PLXDC2: variants seen among roughly 807,000 people sequenced by gnomAD.
PLXDC2 encodes plexin domain-containing protein 2.
PLXDC2 carries 40 observed loss-of-function variants against 68.9 expected under a neutral mutation model. That is an observed-to-expected ratio of 0.58 (90% CI 0.45 to 0.76). The LOEUF is 0.76. Among genes scored for constraint, PLXDC2 ranks in the 30% least tolerant of loss-of-function variants. The pLI, the probability that PLXDC2 is intolerant of heterozygous loss-of-function variation, is 0.00. For synonymous variants in PLXDC2, 243 were observed against 234.2 expected (o/e 1.04, Z -0.34); for missense variants, 644 against 661.9 (o/e 0.97, Z 0.30).
intron 12 of PLXDC2, among the ~76,000 whole-genome samples, chr10:20,240,777 T>G (rs574294333): frequency 6.6e-6 from 1 of 151,402 alleles, no homozygotes; most frequent in African/African-American, 2.4e-5. Context: ...CAAAACTATG[T>G]GTGCAATTTT....
intron 9 of PLXDC2, among the ~76,000 whole-genome samples, chr10:20,190,598 A>AATATATATATATAT (rs67612054): frequency 2.0e-5 from 3 of 148,474 alleles, no homozygotes; most frequent in African/African-American, 7.4e-5. Flanking sequence ...AAGTGTAATA[A>AATATATATATATAT]ATATATATAT....
intron 4 of PLXDC2, among the ~76,000 whole-genome samples, chr10:20,100,564 G>A (rs1057191715): frequency 6.6e-6 from 1 of 152,066 alleles, no homozygotes; most frequent in African/African-American, 2.4e-5. Flanking sequence ...ACTATAATAC[G>A]GTTGCTCTGG....
At chr10:20,234,542 T>C (rs1209587466) in intron 12 of PLXDC2, among the ~76,000 whole-genome samples, 1 of 152,202 alleles carries the variant, frequency 6.6e-6, no homozygotes, top group African/African-American at 2.4e-5. Flanking sequence ...TGCTCAGTGT[T>C]TTCATTTTGT....
At chr10:20,254,724 CAGA>C (rs1486240452) in intron 13 of PLXDC2, among the ~76,000 whole-genome samples, 1 of 151,930 alleles carries the variant, frequency 6.6e-6, no homozygotes, top group African/African-American at 2.4e-5. Flanking sequence ...GACAGCTTTC[CAGA>C]AATATAGTGA....
At chr10:20,170,835 A>G (rs946054344) in intron 7 of PLXDC2, among the ~76,000 whole-genome samples, 4 of 151,858 alleles carry the variant, frequency 2.6e-5, no homozygotes, top group East Asian at 1.9e-4. Context: ...ACAATAGACC[A>G]TATCCATTAA....
intron 4 of PLXDC2, among the ~76,000 whole-genome samples, chr10:20,088,403 G>A (rs1172386392): frequency 6.6e-6 from 1 of 152,120 alleles, no homozygotes; most frequent in African/African-American, 2.4e-5. Flanking sequence ...AAGAATTACT[G>A]GAGTTCAGCA....
intron 1 of PLXDC2, among the ~76,000 whole-genome samples, chr10:19,895,130 A>G (rs1313698256): frequency 6.6e-6 from 1 of 152,206 alleles, no homozygotes; most frequent in Non-Finnish European, 1.5e-5. Flanking sequence ...CTTTGCAGGG[A>G]CATGGATGAA....
chr10:20,020,119 C>T (rs975014619), intron 2 of PLXDC2, among the ~76,000 whole-genome samples: 14 of 150,890 alleles, frequency 9.3e-5, no homozygotes, highest in African/African-American at 3.2e-4. Context: ...TCAGGTGATC[C>T]TCCTGCCTTA....
At chr10:19,881,973 T>A (rs947746986) in intron 1 of PLXDC2, among the ~76,000 whole-genome samples, 2 of 152,234 alleles carry the variant, frequency 1.3e-5, no homozygotes, top group Non-Finnish European at 2.9e-5. Flanking sequence ...CATGCAGTCA[T>A]CTTACGTTGT....
chr10:19,924,989 T>C (rs1331984221), intron 1 of PLXDC2, among the ~76,000 whole-genome samples: 2 of 152,178 alleles, frequency 1.3e-5, no homozygotes, highest in African/African-American at 4.8e-5. Context: ...CGCCATGCTT[T>C]TTGGGAGGTT....
intron 2 of PLXDC2, among the ~76,000 whole-genome samples, chr10:20,003,022 G>A (rs1167796717): frequency 6.6e-6 from 1 of 152,142 alleles, no homozygotes; most frequent in Non-Finnish European, 1.5e-5. Flanking sequence ...AGCGGAGGGA[G>A]GAGAATGGTC....
intron 13 of PLXDC2, among the ~76,000 whole-genome samples, chr10:20,256,062 A>G (rs1158957238): frequency 6.6e-6 from 1 of 152,114 alleles, no homozygotes; most frequent in African/African-American, 2.4e-5. Flanking sequence ...TAAAATTACT[A>G]TAGATGAGAT....
intron 1 of PLXDC2, among the ~76,000 whole-genome samples, chr10:19,907,262 A>G (rs1833180754): frequency 6.6e-6 from 1 of 152,186 alleles, no homozygotes; most frequent in South Asian, 2.1e-4. Flanking sequence ...TTCTCGTTCC[A>G]ATAAACACTT....
chr10:19,847,509 G>A (rs1281188791), intron 1 of PLXDC2, among the ~76,000 whole-genome samples: 1 of 152,172 alleles, frequency 6.6e-6, no homozygotes, highest in Non-Finnish European at 1.5e-5. Flanking sequence ...ACCTAGGAAT[G>A]TATAAGAAGA....
chr10:20,177,112 C>A lies in PLXDC2; in HGVS notation c.979+18C>A. On this transcript the variant is annotated intron_variant, in intron 8 of 13. Transcript: ENST00000377252. ...ATTACCCAGTAAGCGAATATGTAAA[C>A]CTAGGTGGAAAACATGATTTCTAAA... is the stretch of plus-strand genomic sequence containing the variant. 1 of 1,555,184 alleles carries A rather than the reference C, an allele frequency of 6.4e-7. No homozygotes were observed. The highest frequency in any genetic ancestry group is 8.9e-7 in the Non-Finnish European group (1 of 1,129,130).
intron 1 of PLXDC2, among the ~76,000 whole-genome samples, chr10:19,911,361 G>A (rs1041562561): frequency 7.9e-5 from 12 of 152,124 alleles, no homozygotes; most frequent in Admixed American, 5.9e-4. Context: ...AATACTGAAT[G>A]CCTCCTGTAA....
intron 1 of PLXDC2, among the ~76,000 whole-genome samples, chr10:19,862,691 C>G (rs12770575): frequency 6.6e-6 from 1 of 152,148 alleles, no homozygotes; most frequent in African/African-American, 2.4e-5. Flanking sequence ...ACTCATTTTT[C>G]TTTTCTTTTC....
Position 19,987,601 on chromosome 10 carries a change from A to G in PLXDC2, c.113-14174A>G, listed in dbSNP as rs12254378. On this transcript the variant is annotated intron_variant, in intron 1 of 13. Coordinates refer to ENST00000377252, the MANE Select transcript of PLXDC2 (RefSeq NM_032812.9). ...TTTTGCGGCGGAATCTCGTTCTGTC[A>G]CCCAGGCTGGAGTGCAGTGGCGCGA... is the stretch of plus-strand genomic sequence containing the variant. Among the ~76,000 whole-genome samples the G allele has an allele frequency of 5.8e-3, 877 of 150,636 alleles. 3 individuals are homozygous for G. The highest frequency in any genetic ancestry group is 0.018 in the African/African-American group (728 of 40,922).
intron 12 of PLXDC2, among the ~76,000 whole-genome samples, chr10:20,241,788 A>C (rs1202183724): frequency 1.3e-5 from 2 of 152,224 alleles, no homozygotes; most frequent in African/African-American, 4.8e-5. Flanking sequence ...AAAATAAAAA[A>C]TAAAAAGAAG....
Sources: gnomAD v4.1 joint callset for allele counts (sites outside exome capture counted in the v4.1 genomes callset) on GRCh38, gnomAD v4.1.1 for gene constraint, MANE v1.5 for transcripts, NCBI Gene and HGNC (gene_info 2026-07-23, HGNC 2026-07-21) for gene names.